PLEKHG4B: variants seen among roughly 807,000 people sequenced by gnomAD.
PLEKHG4B encodes pleckstrin homology domain-containing family G member 4B.
In PLEKHG4B, 111 loss-of-function variants were observed where a neutral mutation model predicts 121.3. The observed-to-expected ratio is 0.92, with a 90% confidence interval of 0.78 to 1.07. The LOEUF (loss-of-function observed/expected upper bound fraction) is 1.07, where lower values mean the gene tolerates loss of function less well. Ranked by LOEUF, PLEKHG4B falls within the 50% of genes least tolerant of loss-of-function variation. The pLI is 0.00. For missense variants in PLEKHG4B, 1,831 were observed against 1,757.8 expected (o/e 1.04, Z -0.74); for synonymous variants, 738 against 725.0 (o/e 1.02, Z -0.29).
At chr5:124,995 T>C (rs1734571858) in intron 2 of PLEKHG4B, among the ~76,000 whole-genome samples, 1 of 152,062 alleles carries the variant, frequency 6.6e-6, no homozygotes, top group African/African-American at 2.4e-5. Flanking sequence ...TAGCTGGGTG[T>C]GGAGGCGTGC....
chr5:151,910 G>A (rs966803882), intron 7 of PLEKHG4B, among the ~76,000 whole-genome samples: 11 of 152,102 alleles, frequency 7.2e-5, no homozygotes, highest in Admixed American at 1.3e-4. Flanking sequence ...GTTACATCTA[G>A]AATTCTGGTT....
Position 182,285 on chromosome 5 carries a change from G to C in PLEKHG4B, c.4846G>C (p.Ala1616Pro), listed in dbSNP as rs964715143. 1 of 1,612,048 alleles carries C rather than the reference G, an allele frequency of 6.2e-7. No homozygotes were observed. The highest frequency in any genetic ancestry group is 1.7e-5 in the Admixed American group (1 of 59,940). ...TGTQAAVCEG[A>P]PAVLLSRTRQ... ...CACCCAGGCTGCAGTGTGTGAGGGG[G>C]CTCCTGCTGTGCTGCTGAGCCGCAC... The change falls in exon 20 of 20, where the codon GCT becomes CCT. Residue 1616 changes from alanine to proline, a missense_variant. Coordinates refer to ENST00000637938, the MANE Select transcript of PLEKHG4B (RefSeq NM_052909.5).
At position 161,937 on chromosome 5, in the gene PLEKHG4B, G is replaced by A. The variant is rs1736019705; in HGVS notation, c.2642G>A (p.Cys881Tyr). ...LARWTRSSEL[C>Y]ETVSSWMGPL... ...AGGTGGACCCGCTCGTCCGAGTTGT[G>A]CGAGACGGTAAGAGACCCAGTGGGC... is the stretch of plus-strand genomic sequence containing the variant. The change falls in exon 12 of 20, where the codon TGC becomes TAC. Residue 881 changes from cysteine to tyrosine, a missense_variant. Cys to Tyr is a radical substitution (Grantham distance 194, BLOSUM62 -2). Transcript: ENST00000637938. 1 of 1,610,350 alleles carries A rather than the reference G, an allele frequency of 6.2e-7. No homozygotes were observed. Among genetic ancestry groups the A allele is most frequent in the South Asian group, 1.1e-5 (1 of 90,958 alleles).
intron 17 of PLEKHG4B, 112 bp from the exon 18 acceptor site, chr5:173,806 T>G: frequency 6.4e-6 from 8 of 1,258,390 alleles, no homozygotes; most frequent in Non-Finnish European, 8.8e-6. Context: ...ATCCCACACA[T>G]TTGTCATTTG....
rs759725521 is a variant in PLEKHG4B at position 144,852 on chromosome 5, G to T, written c.1837G>T (p.Val613Phe). Reference sequence around the variant, plus strand: ...GAAAGAGGTCCGGGACCTGGGGCTGGTTGTCCTGGTGGATGCACGCAGGAG... The same window carrying T: ...GAAAGAGGTCCGGGACCTGGGGCTGTTTGTCCTGGTGGATGCACGCAGGAG... The part of the protein sequence containing the change: ...PRKEVRDLGL[V>F]VLVDARRSPA... The change falls in exon 6 of 20, where the codon GTT (valine) becomes TTT (phenylalanine). Residue 613 changes from valine (V) to phenylalanine (F), a missense_variant. Transcript: ENST00000637938. The T allele has an allele frequency of 1.9e-6, 3 of 1,613,412 alleles. No individual in the cohort carries two copies. In the South Asian group the frequency reaches 3.3e-5, roughly 18 times the overall value.
intron 2 of PLEKHG4B, among the ~76,000 whole-genome samples, chr5:131,118 C>CTTTTTTTTTT (rs370839530): frequency 6.1e-5 from 9 of 148,130 alleles, no homozygotes; most frequent in African/African-American, 2.2e-4. Context: ...AAGCTGCTTC[C>CTTTTTTTTTT]TTTTTTTTTT....
At chr5:180,319 A>G (rs1007087808) in intron 18 of PLEKHG4B, among the ~76,000 whole-genome samples, 4 of 152,126 alleles carry the variant, frequency 2.6e-5, no homozygotes, top group African/African-American at 9.7e-5. Context: ...ACTCCTGGCA[A>G]AGTCCATGCT....
chr5:142,548 A>T (rs555828665), intron 3 of PLEKHG4B, among the ~76,000 whole-genome samples: 2 of 138,614 alleles, frequency 1.4e-5, no homozygotes, highest in Non-Finnish European at 3.0e-5. Context: ...CAGAGTTCCA[A>T]ATACCACACA....
chr5:113,865 C>A lies in PLEKHG4B; in HGVS notation c.243+417C>A, dbSNP rs921776975. ...CACCTGGAAGGGATAGTAGTGAGAA[C>A]CTCAGAGCTAAGTCAGTGCAGCAGT... On this transcript the variant is annotated intron_variant, in intron 2 of 19. Coordinates refer to ENST00000637938, the MANE Select transcript of PLEKHG4B (RefSeq NM_052909.5). The surrounding 1 kb of genome is among the most constrained non-coding windows in gnomAD (Gnocchi z 5.2). Among the ~76,000 whole-genome samples the A allele has an allele frequency of 6.6e-6, 1 of 151,990 alleles. No homozygotes were observed.
At chr5:169,635 T>G in intron 14 of PLEKHG4B, 43 bp downstream of exon 14, 3 of 1,602,586 alleles carry the variant, frequency 1.9e-6, no homozygotes, top group Non-Finnish European at 2.5e-6. Context: ...ACGTGGTGGG[T>G]GAAGCCGGTG....
intron 11 of PLEKHG4B, among the ~76,000 whole-genome samples, 164 bp from the exon 12 acceptor site, chr5:161,619 C>G (rs575639473): frequency 6.6e-6 from 1 of 152,206 alleles, no homozygotes; most frequent in East Asian, 1.9e-4. Flanking sequence ...AGAGAAATGC[C>G]TCGGTCCTTT....
rs912298746 is a variant in PLEKHG4B at position 162,060 on chromosome 5, C to T, written c.2649+116C>T. On this transcript the variant is annotated intron_variant, in intron 12 of 19. Transcript: ENST00000637938. ...GCCAGGCTGTGGGACAGAGGCCGGG[C>T]ACCTGCGATGGAGCCCCCCTGGCCA... 187 of 1,331,748 alleles carry T rather than the reference C, an allele frequency of 1.4e-4. No homozygotes were observed. The highest frequency in any genetic ancestry group is 2.7e-4 in the Middle Eastern group (1 of 3,736). The allele number at this position is 1,331,748 out of a possible 1,614,324, so 82.5% of individuals were successfully genotyped here.
intron 1 of PLEKHG4B, among the ~76,000 whole-genome samples, chr5:109,421 A>AAAAAAAAAAAAAAAAC (rs1734072172): frequency 6.9e-6 from 1 of 144,200 alleles, no homozygotes; most frequent in African/African-American, 2.5e-5. Context: ...AAAAAAAAAA[A>AAAAAAAAAAAAAAAAC]TCCAGCCAGA....
intron 2 of PLEKHG4B, among the ~76,000 whole-genome samples, chr5:121,833 G>A (rs574090627): frequency 6.6e-6 from 1 of 151,956 alleles, no homozygotes; most frequent in Admixed American, 6.6e-5. Flanking sequence ...ACCAGCAGAG[G>A]TGAATAAAAG....
At chr5:164,489 T>G (rs1347512037) in intron 13 of PLEKHG4B, among the ~76,000 whole-genome samples, 1 of 106,680 alleles carries the variant, frequency 9.4e-6, no homozygotes, top group Non-Finnish European at 1.8e-5. Context: ...GAGCTCACAC[T>G]AATGCTCTGA....
intron 2 of PLEKHG4B, among the ~76,000 whole-genome samples, chr5:121,738 G>C (rs550283453): frequency 3.3e-5 from 5 of 151,948 alleles, no homozygotes; most frequent in Non-Finnish European, 7.4e-5. Flanking sequence ...TCTATATCCA[G>C]CAAAAATAAA....
At chr5:149,504 G>A (rs896490327) in intron 6 of PLEKHG4B, among the ~76,000 whole-genome samples, 6 of 152,144 alleles carry the variant, frequency 3.9e-5, no homozygotes, top group African/African-American at 1.4e-4. Flanking sequence ...TCATGCCACT[G>A]CACTCCAGTA....
chr5:135,682 A>AAT (rs70955207), intron 2 of PLEKHG4B, among the ~76,000 whole-genome samples: 244 of 19,540 alleles, frequency 0.012, 6 homozygotes, highest in East Asian at 0.029. Flanking sequence ...AAAAAAAAAA[A>AAT]ATATATATAT....
At chr5:151,299 TTGTA>T (rs751645040) in intron 6 of PLEKHG4B, among the ~76,000 whole-genome samples, 3 of 152,184 alleles carry the variant, frequency 2.0e-5, no homozygotes, top group Non-Finnish European at 2.9e-5. Context: ...GTGAATTTTA[TTGTA>T]TGTAAATTAT....
Sources: gnomAD v4.1 joint callset for allele counts (sites outside exome capture counted in the v4.1 genomes callset) on GRCh38, gnomAD v4.1.1 for gene constraint, Gnocchi (gnomAD v3.1) non-coding constraint, MANE v1.5 for transcripts, NCBI Gene and HGNC (gene_info 2026-07-23, HGNC 2026-07-21) for gene names.